AURKB: variants seen among roughly 807,000 people sequenced by gnomAD.
AURKB encodes the protein aurora kinase B.
Under a neutral mutation model 36.5 loss-of-function variants are expected in AURKB, and 28 were observed. The observed-to-expected ratio is 0.77, with a 90% CI of 0.57 to 1.05. The LOEUF (loss-of-function observed/expected upper bound fraction) is 1.05, where lower values mean the gene tolerates loss of function less well. AURKB is among the 50% of genes least tolerant of loss of function. AURKB has a pLI of 0.00. For missense variants in AURKB, 383 were observed against 447.4 expected (o/e 0.86, Z 1.30); for synonymous variants, 175 against 172.9 (o/e 1.01, Z -0.09).
Position 8,205,024 on chromosome 17 carries a change from A to G in AURKB, c.882T>C (p.Ala294=). The change falls in exon 9 of 9, where the codon GCT becomes GCC. Residue 294 remains alanine, a synonymous_variant. Coordinates refer to ENST00000585124, the MANE Select transcript of AURKB (RefSeq NM_004217.4). ...GGTCCTGGGCTCCCATGGGCACGGA[A>G]GCGGGGAACTTTAGGTCCACCTGCA... ...RIVKVDLKFP[A]SVPMGAQDLI... is the part of the protein sequence containing the mutation. 1.3e-6 allele frequency: 2 copies of G among 1,586,982 alleles called. No individual in the cohort carries two copies. Among genetic ancestry groups the G allele is most frequent in the African/African-American group, 1.4e-5 (1 of 72,976 alleles).
Position 8,207,376 on chromosome 17 carries a change from A to G in AURKB, c.207-9T>C. 6.2e-7 allele frequency: 1 copy of G among 1,610,392 alleles called. No homozygotes were observed. Among genetic ancestry groups the G allele is most frequent in the Non-Finnish European group, 8.5e-7 (1 of 1,176,986 alleles). ...CAATTGTGAAGTGCCGCCTGCTTAGAAAGTGGAGGAAGGCAACTCAGAACC... is the reference window on the plus strand; with the variant it reads ...CAATTGTGAAGTGCCGCCTGCTTAGGAAGTGGAGGAAGGCAACTCAGAACC... On this transcript the variant is annotated splice_polypyrimidine_tract_variant and intron_variant, in intron 4 of 8. Transcript: ENST00000585124.
chr17:8,206,692 C>A lies in AURKB; in HGVS notation c.538-53G>T, dbSNP rs953116938. The A allele has an allele frequency of 6.2e-7, 1 of 1,613,480 alleles. No individual in the cohort carries two copies. Among genetic ancestry groups the A allele is most frequent in the South Asian group, 1.1e-5 (1 of 91,080 alleles). On this transcript the variant is annotated intron_variant, in intron 6 of 8. Transcript: ENST00000585124. The surrounding 1 kb of genome is among the most constrained non-coding windows in gnomAD (Gnocchi z 4.2). ...ACAAGGATGGACCTCCAGCTACAAGCAGCACACCCTCAGCCTCGAGCCCCC... is the reference window on the plus strand; with the variant it reads ...ACAAGGATGGACCTCCAGCTACAAGAAGCACACCCTCAGCCTCGAGCCCCC...
Position 8,210,253 on chromosome 17 carries a change from G to A in AURKB, c.-25-4C>T, listed in dbSNP as rs1179487384. The A allele has an allele frequency of 2.0e-5, 31 of 1,562,420 alleles. No individual in the cohort carries two copies. The highest frequency in any genetic ancestry group is 2.5e-5 in the Non-Finnish European group (29 of 1,144,586). On this transcript the variant is annotated splice_region_variant and splice_polypyrimidine_tract_variant and intron_variant, in intron 1 of 8. Coordinates refer to ENST00000585124, the MANE Select transcript of AURKB (RefSeq NM_004217.4). The stretch of plus-strand genomic sequence containing the variant: ...TAGAGAGAAAGGGGGAGGAGAGCTG[G>A]GCGGAGAAGGGAAACAGCCGTGAGA...
At chr17:8,208,506 G>C (rs1177508701) in intron 2 of AURKB, among the ~76,000 whole-genome samples, 2 of 151,428 alleles carry the variant, frequency 1.3e-5, no homozygotes, top group East Asian at 3.9e-4. Context: ...CAGGAGAATC[G>C]CTTGAACCTG....
chr17:8,208,009 TC>T, intron 2 of AURKB, 169 bp from the exon 3 acceptor site: 1 of 590,634 alleles, frequency 1.7e-6, no homozygotes, highest in Non-Finnish European at 3.0e-6. Context: ...CTGCTCATAG[TC>T]CCATATTAAA....
chr17:8,204,795 C>G lies in AURKB; in HGVS notation c.*76G>C. 1 of 1,553,744 alleles carries G rather than the reference C, an allele frequency of 6.4e-7. No homozygotes were observed. Among genetic ancestry groups the G allele is most frequent in the Non-Finnish European group, 8.7e-7 (1 of 1,143,214 alleles). On this transcript the variant is annotated 3_prime_UTR_variant, in exon 9 of 9. Coordinates refer to ENST00000585124, the MANE Select transcript of AURKB (RefSeq NM_004217.4). ...AGGAGGTAGAAAACAGATAAGGGAA[C>G]AGTTAGGGATCCCTTCTTTCCCCTA...
Position 8,206,077 on chromosome 17 carries a change from C to T in AURKB, c.686+414G>A, listed in dbSNP as rs1224688434. 6.6e-6 allele frequency among the ~76,000 whole-genome samples: 1 copy of T among 151,452 alleles called. No homozygotes were observed. Among genetic ancestry groups the T allele is most frequent in the Non-Finnish European group, 1.5e-5 (1 of 67,922 alleles). On this transcript the variant is annotated intron_variant, in intron 7 of 8. Coordinates refer to ENST00000585124, the MANE Select transcript of AURKB (RefSeq NM_004217.4). This position sits in a 1 kb window ranked among gnomAD's most constrained non-coding sequence, Gnocchi z 4.2. ...GCCTGGCCAAAGTTTTACCATTGGC[C>T]CCTACAGGGATCAAACCTGCGACCT...
At position 8,204,907 on chromosome 17, in the gene AURKB, C is replaced by A; in HGVS notation, c.999G>T (p.Arg333Ser). The change falls in exon 9 of 9, where the codon AGG becomes AGT. Residue 333 changes from arginine to serine, a missense_variant. Transcript: ENST00000585124. ...ATTGAAGGGCAGAGGGAGGCAGCAC[C>A]CTCCGAGAGTTGGCCCGGACCCAAG... is the stretch of plus-strand genomic sequence containing the variant. Reference protein sequence around the residue: ...AHPWVRANSRRVLPPSALQSV... With the variant: ...AHPWVRANSRSVLPPSALQSV... 2 of 1,606,392 alleles carry A rather than the reference C, an allele frequency of 1.2e-6. No homozygotes were observed. The highest frequency in any genetic ancestry group is 1.7e-6 in the Non-Finnish European group (2 of 1,178,220).
In AURKB at chr17:8,210,238, G is replaced by C; in HGVS notation, c.-14C>G. Reference sequence around the variant, plus strand: ...CTTCTGGGCCATCCTTAGAGAGAAAGGGGGAGGAGAGCTGGGCGGAGAAGG... The same window carrying C: ...CTTCTGGGCCATCCTTAGAGAGAAACGGGGAGGAGAGCTGGGCGGAGAAGG... On this transcript the variant is annotated 5_prime_UTR_variant, in exon 2 of 9. Coordinates refer to ENST00000585124, the MANE Select transcript of AURKB (RefSeq NM_004217.4). The C allele has an allele frequency of 6.3e-7, 1 of 1,597,090 alleles. No individual in the cohort carries two copies. The highest frequency in any genetic ancestry group is 8.5e-7 in the Non-Finnish European group (1 of 1,171,012).
At chr17:8,207,127 G>C (rs1053838144) in intron 5 of AURKB, 49 bp downstream of exon 5, 3 of 1,575,640 alleles carry the variant, frequency 1.9e-6, no homozygotes, top group Non-Finnish European at 2.6e-6. Flanking sequence ...ATGAGGAGCT[G>C]GGGGTGAGGG....
chr17:8,205,026 C>A lies in AURKB; in HGVS notation c.880G>T (p.Ala294Ser), dbSNP rs151173438. 2.5e-5 allele frequency: 39 copies of A among 1,585,820 alleles called. No homozygotes were observed. The highest frequency in any genetic ancestry group is 3.3e-5 in the Non-Finnish European group (38 of 1,169,160). ...TCCTGGGCTCCCATGGGCACGGAAGCGGGGAACTTTAGGTCCACCTGCAGG... is the reference window on the plus strand; with the variant it reads ...TCCTGGGCTCCCATGGGCACGGAAGAGGGGAACTTTAGGTCCACCTGCAGG... Reference protein sequence around the residue: ...RIVKVDLKFPASVPMGAQDLI... With the variant: ...RIVKVDLKFPSSVPMGAQDLI... Residue 294 changes from alanine (A) to serine (S), a missense_variant, in exon 9 of 9, where the codon GCT becomes TCT. Physicochemically the swap from Ala to Ser is moderately conservative, Grantham distance 99 (BLOSUM62 1). This residue lies in a region of AURKB where 219 missense variants were observed against 252.6 expected (regional missense o/e 0.87). Transcript: ENST00000585124.
chr17:8,206,909 G>C lies in AURKB; in HGVS notation c.399-21C>G. 7 of 1,614,066 alleles carry C rather than the reference G, an allele frequency of 4.3e-6. No individual in the cohort carries two copies. Among genetic ancestry groups the C allele is most frequent in the African/African-American group, 1.3e-5 (1 of 75,066 alleles). On this transcript the variant is annotated intron_variant, in intron 5 of 8. Coordinates refer to ENST00000585124, the MANE Select transcript of AURKB (RefSeq NM_004217.4). This position sits in a 1 kb window ranked among gnomAD's most constrained non-coding sequence, Gnocchi z 4.2. ...GATGGCTGGGGGAAGAGACAGAGGA[G>C]GCCTCAGGCCAAAGGCATAAAAGAG...
chr17:8,205,403 A>AGGGG lies in AURKB; in HGVS notation c.687-17_687-14dup, dbSNP rs1985111783. On this transcript the variant is annotated splice_polypyrimidine_tract_variant and intron_variant, in intron 7 of 8. Coordinates refer to ENST00000585124, the MANE Select transcript of AURKB (RefSeq NM_004217.4). Reference sequence around the variant, plus strand: ...CATTGTCTTCCTCCTGGGAGGGATAAGGGGCGTGGGCAGGGGTCCTAGTGA... The same window carrying AGGGG: ...CATTGTCTTCCTCCTGGGAGGGATAAGGGGGGGGCGTGGGCAGGGGTCCTAGTGA... 1 of 1,613,180 alleles carries AGGGG rather than the reference A, an allele frequency of 6.2e-7. No homozygotes were observed. The highest frequency in any genetic ancestry group is 8.5e-7 in the Non-Finnish European group (1 of 1,179,574).
In AURKB at chr17:8,205,295, A is replaced by T; in HGVS notation, c.782T>A (p.Val261Glu). The part of the protein sequence containing the change: ...NEKVDLWCIG[V>E]LCYELLVGNP... ...CCCCACCAGCAGCTCATAGCAAAGC[A>T]CTCCAATGCACCACAGATCCACCTT... The change falls in exon 8 of 9, where the codon GTG becomes GAG. Residue 261 changes from valine to glutamate, a missense_variant. Physicochemically the swap from Val to Glu is moderately radical, Grantham distance 121. Transcript: ENST00000585124. 2 of 1,614,046 alleles carry T rather than the reference A, an allele frequency of 1.2e-6. No individual in the cohort carries two copies. The highest frequency in any genetic ancestry group is 1.7e-6 in the Non-Finnish European group (2 of 1,180,016).
In AURKB at chr17:8,204,962, C is replaced by T. The variant is rs779610702; in HGVS notation, c.944G>A (p.Arg315Gln). Reference protein sequence around the residue: ...SKLLRHNPSERLPLAQVSAHP... With the variant: ...SKLLRHNPSEQLPLAQVSAHP... ...GGCTGAGACCTGGGCCAGGGGCAGC[C>T]GTTCCGAGGGGTTATGCCTGAGCAG... The change falls in exon 9 of 9, where the codon CGG becomes CAG. Residue 315 changes from arginine to glutamine, a missense_variant. This residue lies in a region of AURKB where 219 missense variants were observed against 252.6 expected (regional missense o/e 0.87). Transcript: ENST00000585124. 9 of 1,610,008 alleles carry T rather than the reference C, an allele frequency of 5.6e-6. No homozygotes were observed. The highest frequency in any genetic ancestry group is 4.5e-5 in the East Asian group (2 of 44,862).
intron 3 of AURKB, 45 bp downstream of exon 3, chr17:8,207,693 A>G (rs1254759029): frequency 2.5e-6 from 4 of 1,613,584 alleles, no homozygotes; most frequent in Non-Finnish European, 1.7e-6. Flanking sequence ...CCTCCCACAG[A>G]CGGTCATCTC....
rs146036524 is a variant in AURKB at position 8,207,571 on chromosome 17, G to A, written c.206C>T (p.Thr69Met). The A allele has an allele frequency of 3.8e-5, 61 of 1,613,204 alleles. No homozygotes were observed. Among genetic ancestry groups the A allele is most frequent in the African/African-American group, 1.2e-4 (9 of 74,864 alleles). ...ENSSGTPDIL[T>M]RHFTIDDFEI... ...CCACCCCCAGGCTTGGGGCACTTAC[G>A]TTAAGATGTCGGGTGTCCCACTGCT... Residue 69 changes from threonine (T) to methionine (M), a missense_variant and splice_region_variant, in exon 4 of 9, where the codon ACG becomes ATG. By Grantham distance (81) the Thr-to-Met change is moderately conservative. Transcript: ENST00000585124.
chr17:8,207,469 G>A, intron 4 of AURKB, 102 bp from the exon 5 acceptor site: 1 of 1,557,698 alleles, frequency 6.4e-7, no homozygotes, highest in South Asian at 1.2e-5. Flanking sequence ...CGCCCCACTT[G>A]TCTTCATCCC....
Position 8,210,567 on chromosome 17 carries a change from CAA to C in AURKB, c.-65_-64del. On this transcript the variant is annotated 5_prime_UTR_variant, in exon 1 of 9. Coordinates refer to ENST00000585124, the MANE Select transcript of AURKB (RefSeq NM_004217.4). Reference sequence around the variant, plus strand: ...GCACTGCTACTCTCCCGGCCGCCCGCAAACAACTGAATCTGCCACGCCGCGCC... The same window carrying C: ...GCACTGCTACTCTCCCGGCCGCCCGCACAACTGAATCTGCCACGCCGCGCC... 1 of 369,066 alleles carries C rather than the reference CAA, an allele frequency of 2.7e-6. No individual in the cohort carries two copies. The highest frequency in any genetic ancestry group is 4.9e-6 in the Non-Finnish European group (1 of 202,694). 22.9% of individuals were successfully genotyped at this position (369,066 alleles called of 1,614,324 possible). A position where few individuals can be genotyped will look rare whatever the true frequency, so the allele number is the denominator to read the frequency against.
Sources: gnomAD v4.1 joint callset for allele counts (sites outside exome capture counted in the v4.1 genomes callset) on GRCh38, gnomAD v4.1.1 for gene constraint, gnomAD v4.1.1 regional missense constraint, Gnocchi (gnomAD v3.1) non-coding constraint, MANE v1.5 for transcripts, NCBI Gene and HGNC (gene_info 2026-07-23, HGNC 2026-07-21) for gene names.